ZNF510: variants seen among roughly 807,000 people sequenced by gnomAD.
The protein encoded by ZNF510 is zinc finger protein 510.
Under a neutral mutation model 18.1 loss-of-function variants are expected in ZNF510, and 15 were observed. The observed-to-expected ratio is 0.83, with a 90% CI of 0.55 to 1.28. The LOEUF (loss-of-function observed/expected upper bound fraction) is 1.28, where lower values mean the gene tolerates loss of function less well. ZNF510 is among the 50% of genes most tolerant of loss of function. ZNF510 has a pLI of 0.00. For missense variants in ZNF510, 724 were observed against 791.8 expected (o/e 0.91, Z 1.03); for synonymous variants, 261 against 266.4 (o/e 0.98, Z 0.20).
chr9:96,771,501 C>T (rs538211878), intron 3 of ZNF510, among the ~76,000 whole-genome samples: 139 of 149,446 alleles, frequency 9.3e-4, no homozygotes, highest in Non-Finnish European at 1.7e-3. Flanking sequence ...AGGACATATA[C>T]AAAAAACATG....
Position 96,759,884 on chromosome 9 carries a change from TC to T in ZNF510, c.945del (p.Lys316AsnfsTer18). The T allele has an allele frequency of 6.2e-7, 1 of 1,613,370 alleles. No individual in the cohort carries two copies. Among genetic ancestry groups the T allele is most frequent in the Non-Finnish European group, 8.5e-7 (1 of 1,179,978 alleles). On this transcript the variant is annotated frameshift_variant, in exon 6 of 6. Transcript: ENST00000223428. LOFTEE classifies it low-confidence loss of function (END_TRUNC). ...TCCACAGTTGACTTCTCAAAGGATT[TC>T]CCACATTGATTAAGATGCAGGTGTT... Reference protein sequence around the residue: ...GKKHLHLNQCGKSFEKSTVEE... With the variant: ...GKKHLHLNQCXKSFEKSTVEE...
chr9:96,773,858 G>A (rs112252444), intron 3 of ZNF510, among the ~76,000 whole-genome samples: 100 of 152,362 alleles, frequency 6.6e-4, no homozygotes, highest in Middle Eastern at 6.8e-3. Context: ...TCACAGGCGT[G>A]AGCCACTGCA....
intron 3 of ZNF510, among the ~76,000 whole-genome samples, chr9:96,774,092 G>C (rs1284550042): frequency 6.6e-6 from 1 of 152,222 alleles, no homozygotes; most frequent in Non-Finnish European, 1.5e-5. Flanking sequence ...AACTGCAATA[G>C]GCAAAGATTC....
At chr9:96,768,991 A>G (rs778632103) in intron 3 of ZNF510, among the ~76,000 whole-genome samples, 1 of 152,224 alleles carries the variant, frequency 6.6e-6, no homozygotes, top group African/African-American at 2.4e-5. Flanking sequence ...ACAGACATAC[A>G]GATCCACAGA....
In ZNF510 at chr9:96,759,677, A is replaced by G. The variant is rs777687079; in HGVS notation, c.1153T>C (p.Ser385Pro). The G allele has an allele frequency of 1.9e-6, 3 of 1,613,564 alleles. No homozygotes were observed. In the Admixed American group the frequency reaches 5.0e-5, roughly 27 times the overall value. Residue 385 changes from serine (S) to proline (P), a missense_variant, in exon 6 of 6, where the codon TCC (serine) becomes CCC (proline). Transcript: ENST00000223428. ...KSSEYHENKK[S>P]YQTSVHRVRR... ...ACTCTGTGAACCGACGTCTGGTAGGATTTCTTATTTTCATGATATTCAGAG... is the reference window on the plus strand; with the variant it reads ...ACTCTGTGAACCGACGTCTGGTAGGGTTTCTTATTTTCATGATATTCAGAG...
intron 3 of ZNF510, among the ~76,000 whole-genome samples, chr9:96,769,426 G>C (rs1247645851): frequency 7.5e-6 from 1 of 132,846 alleles, no homozygotes; most frequent in East Asian, 2.0e-4. Flanking sequence ...AACAGACAAA[G>C]ATTCCGTCTC....
chr9:96,755,170 C>T lies in ZNF510; in HGVS notation c.*3608G>A, dbSNP rs892176217. On this transcript the variant is annotated 3_prime_UTR_variant, in exon 6 of 6. Transcript: ENST00000223428. ...CTGGCCTCCCAATGACTCAGGCCAC[C>T]TCGGTGAATCAGTTCCACCCTACAG... 2.0e-5 allele frequency among the ~76,000 whole-genome samples: 3 copies of T among 152,224 alleles called. No homozygotes were observed. Among genetic ancestry groups the T allele is most frequent in the African/African-American group, 7.2e-5 (3 of 41,466 alleles).
At chr9:96,762,962 G>A (rs1449727057) in intron 5 of ZNF510, 156 bp downstream of exon 5, 11 of 596,108 alleles carry the variant, frequency 1.8e-5, no homozygotes, top group Middle Eastern at 9.0e-4. Context: ...TACTTTTAAT[G>A]GAATCAACTT....
In ZNF510 at chr9:96,755,693, A is replaced by T. The variant is rs913820140; in HGVS notation, c.*3085T>A. 3.3e-5 allele frequency among the ~76,000 whole-genome samples: 5 copies of T among 152,246 alleles called. No individual in the cohort carries two copies. The highest frequency in any genetic ancestry group is 1.2e-4 in the African/African-American group (5 of 41,456). On this transcript the variant is annotated 3_prime_UTR_variant, in exon 6 of 6. Coordinates refer to ENST00000223428, the MANE Select transcript of ZNF510 (RefSeq NM_014930.3). ...ATTCACAAAATGATGTTACTAAAAT[A>T]TCAGAATGTTTAATCAGTCATATGC...
rs1849316511 is a variant in ZNF510 at position 96,760,379 on chromosome 9, C to T, written c.451G>A (p.Glu151Lys). 1.2e-6 allele frequency: 2 copies of T among 1,613,684 alleles called. No homozygotes were observed. Among genetic ancestry groups the T allele is most frequent in the South Asian group, 1.1e-5 (1 of 91,070 alleles). Residue 151 changes from glutamate to lysine, a missense_variant, in exon 6 of 6, where the codon GAG (glutamate) becomes AAG (lysine). By Grantham distance (56) the Glu-to-Lys change is moderately conservative. Transcript: ENST00000223428. ...GGTTTCCCCAAAACTTTCTCTTCCT[C>T]TGTAGTCAATGTTTTATTATTGATA... ...ICINNKTLTT[E>K]EEKVLGKPFT...
chr9:96,760,461 A>T lies in ZNF510; in HGVS notation c.369T>A (p.Asp123Glu). 1 of 1,606,104 alleles carries T rather than the reference A, an allele frequency of 6.2e-7. No individual in the cohort carries two copies. The highest frequency in any genetic ancestry group is 1.1e-5 in the South Asian group (1 of 90,124). ...NQSHPKDYRG[D>E]DLIKQNKKIK... ...TTTTCTTGTTCTGCTTGATCAGGTC[A>T]TCACCTCTGTAATCTTCTAAAACAG... Residue 123 changes from aspartate (D) to glutamate (E), a missense_variant, in exon 6 of 6, where the codon GAT (aspartate) becomes GAA (glutamate). Coordinates refer to ENST00000223428, the MANE Select transcript of ZNF510 (RefSeq NM_014930.3).
Position 96,763,599 on chromosome 9 carries a change from A to T in ZNF510, c.163T>A (p.Phe55Ile), listed in dbSNP as rs751288462. The change falls in exon 4 of 6, where the codon TTC becomes ATC. Residue 55 changes from phenylalanine (F) to isoleucine (I), a missense_variant. Transcript: ENST00000223428. ...SVSFKDVTIE[F>I]TQEEWQQMAP... Reference sequence around the variant, plus strand: ...ATTTGCTGCCACTCCTCCTGGGTGAATTCTATAGTCACGTCCTTGAATGAC... The same window carrying T: ...ATTTGCTGCCACTCCTCCTGGGTGATTTCTATAGTCACGTCCTTGAATGAC... 5.0e-6 allele frequency: 8 copies of T among 1,613,340 alleles called. No individual in the cohort carries two copies. The highest frequency in any genetic ancestry group is 5.9e-6 in the Non-Finnish European group (7 of 1,179,700).
intron 2 of ZNF510, 59 bp from the exon 3 acceptor site, chr9:96,774,905 A>G (rs779357941): frequency 7.7e-5 from 113 of 1,462,798 alleles, no homozygotes; most frequent in Non-Finnish European, 1.1e-4. Context: ...CCTGCCTACC[A>G]ATGTCATCAC....
At chr9:96,760,580 A>C (rs745932658) in intron 5 of ZNF510, 103 bp from the exon 6 acceptor site, 45 of 1,079,896 alleles carry the variant, frequency 4.2e-5, no homozygotes, top group Non-Finnish European at 5.5e-5. Context: ...TGATTTATCA[A>C]GATTAAATAA....
chr9:96,774,917 C>T, intron 2 of ZNF510, 71 bp from the exon 3 acceptor site: 1 of 1,366,986 alleles, frequency 7.3e-7, no homozygotes, highest in Non-Finnish European at 1.0e-6. Flanking sequence ...TGTCATCACA[C>T]CAGCTGGGGA....
rs923166305 is a variant in ZNF510 at position 96,755,096 on chromosome 9, T to C, written c.*3682A>G. Among the ~76,000 whole-genome samples, 6 of 152,202 alleles carry C rather than the reference T, an allele frequency of 3.9e-5. No homozygotes were observed. The highest frequency in any genetic ancestry group is 1.4e-4 in the African/African-American group (6 of 41,460). Reference sequence around the variant, plus strand: ...AGGTATCCTGTGGGCCGCCCTCTGCTAAGGGACAGCAGGTGAAGCCTGAGT... The same window carrying C: ...AGGTATCCTGTGGGCCGCCCTCTGCCAAGGGACAGCAGGTGAAGCCTGAGT... On this transcript the variant is annotated 3_prime_UTR_variant, in exon 6 of 6. Transcript: ENST00000223428.
rs1849165822 is a variant in ZNF510 at position 96,755,121 on chromosome 9, T to TC, written c.*3656dup. On this transcript the variant is annotated 3_prime_UTR_variant, in exon 6 of 6. Transcript: ENST00000223428. ...TAAGGGACAGCAGGTGAAGCCTGAG[T>TC]CCCCAGTCATGGGGCTTTGCCACCT... 6.6e-6 allele frequency among the ~76,000 whole-genome samples: 1 copy of TC among 152,150 alleles called. No homozygotes were observed. The highest frequency in any genetic ancestry group is 1.5e-5 in the Non-Finnish European group (1 of 68,038).
chr9:96,762,956 T>G (rs1849386669), intron 5 of ZNF510, 162 bp downstream of exon 5: 1 of 584,552 alleles, frequency 1.7e-6, no homozygotes, highest in Non-Finnish European at 3.1e-6. Flanking sequence ...ATTTCTTACT[T>G]TTAATGGAAT....
chr9:96,764,945 T>C (rs1270154836), intron 3 of ZNF510, among the ~76,000 whole-genome samples: 3 of 152,076 alleles, frequency 2.0e-5, no homozygotes, highest in East Asian at 3.9e-4. Flanking sequence ...AAACCCCATC[T>C]CTATTAAAAA....
Sources: allele counts gnomAD v4.1 joint callset (sites outside exome capture counted in the v4.1 genomes callset), GRCh38; gene constraint gnomAD v4.1.1; transcripts MANE v1.5; gene names NCBI Gene and HGNC (gene_info 2026-07-23, HGNC 2026-07-21).